The following KLHL41 variants were observed in gnomAD, a reference collection of about 807,000 sequenced individuals.
KLHL41 encodes kelch like family member 41, also known as kelch-like protein 41.
In KLHL41, 31 loss-of-function variants were observed where a neutral mutation model predicts 49.2. The ratio of observed to expected loss-of-function variants is 0.63; its 90% confidence interval spans 0.47 to 0.85. The LOEUF is 0.85. KLHL41 is among the 40% of genes least tolerant of loss of function. The pLI, the probability that KLHL41 is intolerant of heterozygous loss-of-function variation, is 0.00. For synonymous variants in KLHL41, 218 were observed against 258.5 expected, an observed-to-expected ratio of 0.84 and a Z score of 1.50; for missense variants, 663 against 726.7, an observed-to-expected ratio of 0.91 and a Z score of 1.01.
At chr2:169,524,418 C>CTTTTTTTTTTTTT (rs113248017) in intron 5 of KLHL41, among the ~76,000 whole-genome samples, 2 of 116,028 alleles carry the variant, frequency 1.7e-5, no homozygotes, top group Non-Finnish European at 3.6e-5. Flanking sequence ...TGGGGTAAAT[C>CTTTTTTTTTTTTT]TTTTTTTTTT....
intron 1 of KLHL41, among the ~76,000 whole-genome samples, chr2:169,513,206 A>C (rs757654494): frequency 6.6e-6 from 1 of 152,192 alleles, no homozygotes; most frequent in East Asian, 1.9e-4. Flanking sequence ...GTGAATGTAC[A>C]TGGCTTGGAT....
chr2:169,513,858 C>T (rs1007733532), intron 1 of KLHL41, among the ~76,000 whole-genome samples: 4 of 152,034 alleles, frequency 2.6e-5, no homozygotes, highest in Non-Finnish European at 4.4e-5. Flanking sequence ...GGCATGGGCA[C>T]AAGGAGATTT....
At position 169,509,937 on chromosome 2, in the gene KLHL41, T is replaced by C. The variant is rs1684003497; in HGVS notation, c.159T>C (p.Ala53=). ...SLPCHRLILS[A]CSPYFREYFL... Reference sequence around the variant, plus strand: ...CTTGCCACAGATTGATTTTGTCAGCTTGTAGTCCTTACTTCCGTGAGTACT... The same window carrying C: ...CTTGCCACAGATTGATTTTGTCAGCCTGTAGTCCTTACTTCCGTGAGTACT... The change falls in exon 1 of 6, where the codon GCT becomes GCC. Residue 53 remains alanine, a synonymous_variant. Transcript: ENST00000284669. 6.2e-7 allele frequency: 1 copy of C among 1,614,112 alleles called. No individual in the cohort carries two copies. Among genetic ancestry groups the C allele is most frequent in the African/African-American group, 1.3e-5 (1 of 74,932 alleles).
At position 169,509,710 on chromosome 2, in the gene KLHL41, A is replaced by G; in HGVS notation, c.-69A>G. ...AAAGCACACTGATCTGCCTTTTTAC[A>G]GCTAGACCTGTGTGCTGCAAGGAGC... On this transcript the variant is annotated 5_prime_UTR_variant, in exon 1 of 6. Coordinates refer to ENST00000284669, the MANE Select transcript of KLHL41 (RefSeq NM_006063.3). The G allele has an allele frequency of 1.3e-6, 2 of 1,486,842 alleles. No individual in the cohort carries two copies. The highest frequency in any genetic ancestry group is 4.2e-5 in the Admixed American group (2 of 47,648). 92.1% of individuals were successfully genotyped at this position (1,486,842 alleles called of 1,614,324 possible). A position where few individuals can be genotyped will look rare whatever the true frequency, so the allele number is the denominator to read the frequency against.
intron 4 of KLHL41, among the ~76,000 whole-genome samples, chr2:169,520,330 G>GTGTGTGTGTGTGTGTGT (rs1684184636): frequency 6.7e-6 from 1 of 148,178 alleles, no homozygotes; most frequent in African/African-American, 2.5e-5. Context: ...GTGTGTGTGT[G>GTGTGTGTGTGTGTGTGT]GAGGCAGTCC....
At position 169,509,913 on chromosome 2, in the gene KLHL41, T is replaced by C. The variant is rs781233657; in HGVS notation, c.135T>C (p.Pro45=). 1 of 1,614,206 alleles carries C rather than the reference T, an allele frequency of 6.2e-7. No homozygotes were observed. The highest frequency in any genetic ancestry group is 8.5e-7 in the Non-Finnish European group (1 of 1,180,034). The change falls in exon 1 of 6, where the codon CCT becomes CCC. Residue 45 remains proline, a synonymous_variant. Coordinates refer to ENST00000284669, the MANE Select transcript of KLHL41 (RefSeq NM_006063.3). ...CTLKAGDKSL[P]CHRLILSACS... is the part of the protein sequence containing the mutation. ...TAAAAGCAGGTGACAAAAGTCTTCC[T>C]TGCCACAGATTGATTTTGTCAGCTT...
intron 1 of KLHL41, chr2:169,514,252 A>G (rs1684072380): frequency 4.8e-6 from 1 of 207,298 alleles, no homozygotes; most frequent in Non-Finnish European, 9.6e-6. Context: ...CTCCTGTTTC[A>G]AAGCTGAACA....
chr2:169,519,651 C>T (rs1419297255), intron 4 of KLHL41, among the ~76,000 whole-genome samples: 1 of 138,488 alleles, frequency 7.2e-6, no homozygotes, highest in African/African-American at 2.7e-5. Context: ...TTTTCTCAAA[C>T]TTTTTTTTTT....
Position 169,520,914 on chromosome 2 carries a change from G to A in KLHL41, c.1616G>A (p.Ser539Asn). The A allele has an allele frequency of 6.2e-7, 1 of 1,613,726 alleles. No homozygotes were observed. Among genetic ancestry groups the A allele is most frequent in the Non-Finnish European group, 8.5e-7 (1 of 1,179,670 alleles). Residue 539 changes from serine (S) to asparagine (N), a missense_variant, in exon 5 of 6, where the codon AGC (serine) becomes AAC (asparagine). Ser to Asn is a conservative substitution (Grantham distance 46). Coordinates refer to ENST00000284669, the MANE Select transcript of KLHL41 (RefSeq NM_006063.3). ...GAAAGAAGCTCCATCAGTTTGGTCA[G>A]CCTGGCTGGATCTCTGTATGCAATT... ...PQERSSISLV[S>N]LAGSLYAIGG...
chr2:169,520,220 T>C (rs1161421909), intron 4 of KLHL41, among the ~76,000 whole-genome samples: 1 of 132,166 alleles, frequency 7.6e-6, no homozygotes, highest in Non-Finnish European at 1.6e-5. Flanking sequence ...AGACAGTCCA[T>C]TTTGTTGCCC....
At chr2:169,519,188 G>T (rs1574353022) in intron 4 of KLHL41, among the ~76,000 whole-genome samples, 1 of 152,174 alleles carries the variant, frequency 6.6e-6, no homozygotes, top group African/African-American at 2.4e-5. Context: ...AATGTGAAAA[G>T]ATATTTGACA....
rs753000143 is a variant in KLHL41 at position 169,510,905 on chromosome 2, G to A, written c.1110+17G>A. 1.0e-5 allele frequency: 16 copies of A among 1,601,016 alleles called. No homozygotes were observed. Among genetic ancestry groups the A allele is most frequent in the Non-Finnish European group, 1.4e-5 (16 of 1,172,194 alleles). ...TTCTTCCAGGTAAGAAGGACTTTTT[G>A]TATATGTAGTTGCTTAAAGGGAAGG... On this transcript the variant is annotated intron_variant, in intron 1 of 5. Transcript: ENST00000284669. The surrounding 1 kb of genome is among the most constrained non-coding windows in gnomAD (Gnocchi z 4.2).
rs759037384 is a variant in KLHL41, at chr2:169,510,562, A to C, written c.784A>C (p.Lys262Gln). 9.3e-6 allele frequency: 15 copies of C among 1,614,152 alleles called. No homozygotes were observed. The South Asian group carries it at 1.6e-4, about 18-fold the overall frequency. ...AGTTCTAAAAGATGCTTTCGCAGGC[A>C]AACTCCCAGAACCTAGCAAAAATGC... Reference protein sequence around the residue: ...IKVLKDAFAGKLPEPSKNAAK... With the variant: ...IKVLKDAFAGQLPEPSKNAAK... The change falls in exon 1 of 6, where the codon AAA becomes CAA. Residue 262 changes from lysine to glutamine, a missense_variant. Around this residue, in one of 3 missense-constraint regions of KLHL41, gnomAD observed 528 missense variants for 581.0 expected, o/e 0.91. Transcript: ENST00000284669. This position sits in a 1 kb window ranked among gnomAD's most constrained non-coding sequence, Gnocchi z 4.2.
intron 3 of KLHL41, 62 bp downstream of exon 3, chr2:169,515,023 CTCTTT>C (rs1442465297): frequency 1.3e-5 from 13 of 1,021,156 alleles, no homozygotes; most frequent in Middle Eastern, 3.2e-4. Flanking sequence ...GGGTTTCTTC[CTCTTT>C]TCTTTTCTTT....
In KLHL41 at chr2:169,524,920, A is replaced by G. The variant is rs551405907; in HGVS notation, c.1710-665A>G. On this transcript the variant is annotated intron_variant, in intron 5 of 5. Coordinates refer to ENST00000284669, the MANE Select transcript of KLHL41 (RefSeq NM_006063.3). ...AGGTTTCAGAGAGAAGGCGGCATTT[A>G]GAAGCTTCCCACACAAAGAAAATAT... Among the ~76,000 whole-genome samples, 9 of 152,314 alleles carry G rather than the reference A, an allele frequency of 5.9e-5. No homozygotes were observed. The East Asian group carries it at 1.7e-3, about 29-fold the overall frequency.
Position 169,510,799 on chromosome 2 carries a change from G to C in KLHL41, c.1021G>C (p.Val341Leu), listed in dbSNP as rs771507270. 1 of 1,614,056 alleles carries C rather than the reference G, an allele frequency of 6.2e-7. No individual in the cohort carries two copies. The highest frequency in any genetic ancestry group is 1.1e-5 in the South Asian group (1 of 91,076). Reference protein sequence around the residue: ...EQIPRNHSSIVTQQNQIYVVG... With the variant: ...EQIPRNHSSILTQQNQIYVVG... ...GATTCCCAGAAATCATTCCAGCATT[G>C]TTACCCAGCAAAATCAGATATATGT... The change falls in exon 1 of 6, where the codon GTT (valine) becomes CTT (leucine). Residue 341 changes from valine to leucine, a missense_variant. By Grantham distance (32) the Val-to-Leu change is conservative. Coordinates refer to ENST00000284669, the MANE Select transcript of KLHL41 (RefSeq NM_006063.3). The surrounding 1 kb of genome is among the most constrained non-coding windows in gnomAD (Gnocchi z 4.2).
At chr2:169,517,099 C>T (rs1684128446) in intron 3 of KLHL41, among the ~76,000 whole-genome samples, 1 of 152,108 alleles carries the variant, frequency 6.6e-6, no homozygotes, top group Admixed American at 6.5e-5. Flanking sequence ...GGATAATGTT[C>T]TTATCAAGAA....
intron 2 of KLHL41, 26 bp downstream of exon 2, chr2:169,514,757 C>A (rs1488416265): frequency 6.2e-7 from 1 of 1,610,924 alleles, no homozygotes; most frequent in Non-Finnish European, 8.5e-7. Flanking sequence ...ATTCCTGTTC[C>A]CTAAGCATTC....
intron 3 of KLHL41, among the ~76,000 whole-genome samples, chr2:169,517,852 T>C (rs2105310986): frequency 6.6e-6 from 1 of 152,318 alleles, no homozygotes; most frequent in East Asian, 1.9e-4. Flanking sequence ...CCATTTGTTA[T>C]TGAGGTGCAA....
Sources: gnomAD v4.1 joint callset for allele counts (sites outside exome capture counted in the v4.1 genomes callset) on GRCh38, gnomAD v4.1.1 for gene constraint, gnomAD v4.1.1 regional missense constraint, Gnocchi (gnomAD v3.1) non-coding constraint, MANE v1.5 for transcripts, NCBI Gene and HGNC (gene_info 2026-07-23, HGNC 2026-07-21) for gene names.